ZMAT4: variants seen among roughly 807,000 people sequenced by gnomAD.
The protein encoded by ZMAT4 is zinc finger matrin-type 4.
Under a neutral mutation model 28.7 loss-of-function variants are expected in ZMAT4, and 17 were observed. The observed-to-expected ratio is 0.59, with a 90% CI of 0.41 to 0.89. The LOEUF is 0.89. Among genes scored for constraint, ZMAT4 ranks in the 40% least tolerant of loss-of-function variants. The pLI is 0.00. For missense variants in ZMAT4, 240 were observed against 283.8 expected, an observed-to-expected ratio of 0.85 and a Z score of 1.11; for synonymous variants, 117 against 109.2, an observed-to-expected ratio of 1.07 and a Z score of -0.44.
chr8:40,889,168 AG>A (rs2150669929), intron 1 of ZMAT4, among the ~76,000 whole-genome samples: 1 of 152,304 alleles, frequency 6.6e-6, no homozygotes, highest in Non-Finnish European at 1.5e-5. Context: ...TGCAGGTGAC[AG>A]GGCCCGGAGG....
intron 6 of ZMAT4, among the ~76,000 whole-genome samples, chr8:40,558,442 A>C (rs1263730737): frequency 6.6e-6 from 1 of 152,092 alleles, no homozygotes; most frequent in Non-Finnish European, 1.5e-5. Context: ...AGCAGGGGAA[A>C]GGGAGAAAAG....
chr8:40,749,113 C>T (rs1463657527), intron 3 of ZMAT4, among the ~76,000 whole-genome samples: 1 of 152,124 alleles, frequency 6.6e-6, no homozygotes, highest in African/African-American at 2.4e-5. Context: ...GCCTCCCCAG[C>T]CATATAGAAC....
At chr8:40,673,568 C>T (rs1002031879) in intron 5 of ZMAT4, among the ~76,000 whole-genome samples, 1 of 152,076 alleles carries the variant, frequency 6.6e-6, no homozygotes, top group East Asian at 1.9e-4. Flanking sequence ...ATCAATAGCA[C>T]CCCTTGCAGA....
At chr8:40,746,336 C>CTTTCCTTTCCTTTCCTTTCCTTTCT in intron 3 of ZMAT4, among the ~76,000 whole-genome samples, 1 of 136,344 alleles carries the variant, frequency 7.3e-6, no homozygotes, top group Non-Finnish European at 1.6e-5. Context: ...CTTTCCTTTC[C>CTTTCCTTTCCTTTCCTTTCCTTTCT]TTTCCTTTCC....
intron 1 of ZMAT4, among the ~76,000 whole-genome samples, chr8:40,834,351 G>A (rs1816400392): frequency 6.6e-6 from 1 of 152,062 alleles, no homozygotes; most frequent in African/African-American, 2.4e-5. Flanking sequence ...GGACAAGTCT[G>A]AATTGTAGAC....
At chr8:40,690,261 C>G (rs1809603733) in intron 4 of ZMAT4, among the ~76,000 whole-genome samples, 1 of 152,196 alleles carries the variant, frequency 6.6e-6, no homozygotes. Context: ...TTGCTGTCAG[C>G]CACTTGTATC....
chr8:40,647,415 G>A (rs543248413), intron 5 of ZMAT4, among the ~76,000 whole-genome samples: 14 of 152,288 alleles, frequency 9.2e-5, no homozygotes, highest in East Asian at 7.7e-4. Flanking sequence ...CACCTGGCTC[G>A]GAGGGTCCTA....
At chr8:40,869,866 A>T (rs1400335940) in intron 1 of ZMAT4, among the ~76,000 whole-genome samples, 3 of 152,198 alleles carry the variant, frequency 2.0e-5, no homozygotes, top group Non-Finnish European at 4.4e-5. Context: ...TGGCTGAGAC[A>T]GCATGGACTT....
At chr8:40,842,303 G>A (rs977381317) in intron 1 of ZMAT4, among the ~76,000 whole-genome samples, 1 of 152,336 alleles carries the variant, frequency 6.6e-6, no homozygotes, top group African/African-American at 2.4e-5. Context: ...ACAGGGCAGC[G>A]ATTCAAGCCC....
At chr8:40,639,831 T>C (rs779068734) in intron 5 of ZMAT4, among the ~76,000 whole-genome samples, 4 of 151,948 alleles carry the variant, frequency 2.6e-5, no homozygotes, top group Non-Finnish European at 5.9e-5. Context: ...TTGTACATTA[T>C]TATACAGTGG....
chr8:40,569,394 T>A (rs2118501295), intron 6 of ZMAT4, among the ~76,000 whole-genome samples: 1 of 152,310 alleles, frequency 6.6e-6, no homozygotes, highest in African/African-American at 2.4e-5. Context: ...TTTGTAAAAA[T>A]CAACGTCAGC....
At chr8:40,644,289 G>A (rs562954233) in intron 5 of ZMAT4, among the ~76,000 whole-genome samples, 3 of 152,196 alleles carry the variant, frequency 2.0e-5, no homozygotes, top group South Asian at 4.1e-4. Context: ...CAGAAAAAAA[G>A]GACTGGAACT....
intron 5 of ZMAT4, among the ~76,000 whole-genome samples, chr8:40,628,984 A>T (rs1389795693): frequency 4.7e-5 from 7 of 148,232 alleles, no homozygotes; most frequent in Admixed American, 4.1e-4. Context: ...GCTTGGGAAA[A>T]TCCTGCCCTC....
chr8:40,534,677 CTTTTTTTTTT>C (rs34915339), intron 6 of ZMAT4, among the ~76,000 whole-genome samples: 1 of 87,360 alleles, frequency 1.1e-5, no homozygotes, highest in Non-Finnish European at 2.4e-5. Context: ...CATTTGCTAC[CTTTTTTTTTT>C]TTTTTTTTTT....
intron 3 of ZMAT4, among the ~76,000 whole-genome samples, chr8:40,749,024 A>C (rs559875583): frequency 6.6e-6 from 1 of 151,944 alleles, no homozygotes; most frequent in African/African-American, 2.4e-5. Context: ...ATAAGGGGTA[A>C]CCCCTTTCAC....
chr8:40,657,305 T>C (rs1213883575), intron 5 of ZMAT4, among the ~76,000 whole-genome samples: 1 of 152,192 alleles, frequency 6.6e-6, no homozygotes, highest in Non-Finnish European at 1.5e-5. Flanking sequence ...TGATTTTTCT[T>C]CTGGTATTTC....
chr8:40,801,569 C>T (rs1188766237), intron 2 of ZMAT4, among the ~76,000 whole-genome samples: 1 of 151,594 alleles, frequency 6.6e-6, no homozygotes, highest in Non-Finnish European at 1.5e-5. Context: ...ACTCAGGAGG[C>T]TGAGGAAGGA....
At chr8:40,850,505 C>T (rs1320725940) in intron 1 of ZMAT4, among the ~76,000 whole-genome samples, 1 of 152,210 alleles carries the variant, frequency 6.6e-6, no homozygotes, top group African/African-American at 2.4e-5. Flanking sequence ...TTTTGTCTAA[C>T]TTCCGCCCCC....
intron 6 of ZMAT4, among the ~76,000 whole-genome samples, chr8:40,568,823 A>T (rs927828378): frequency 6.6e-6 from 1 of 152,134 alleles, no homozygotes; most frequent in Non-Finnish European, 1.5e-5. Flanking sequence ...CACCCAGTCC[A>T]CAATAACCTT....
Sources: allele counts gnomAD v4.1 joint callset (sites outside exome capture counted in the v4.1 genomes callset), GRCh38; gene constraint gnomAD v4.1.1; transcripts MANE v1.5; gene names NCBI Gene and HGNC (gene_info 2026-07-23, HGNC 2026-07-21).